FOXP2: variants seen among roughly 807,000 people sequenced by gnomAD.
FOXP2 encodes forkhead box protein P2.
FOXP2 carries 12 observed loss-of-function variants against 115.8 expected under a neutral mutation model. The ratio of observed to expected loss-of-function variants is 0.10; its 90% CI spans 0.07 to 0.17. FOXP2 has a LOEUF of 0.17. FOXP2 is among the 10% of genes least tolerant of loss of function. The pLI, the probability that FOXP2 is intolerant of heterozygous loss-of-function variation, is 1.00. For missense variants in FOXP2, 629 were observed against 843.5 expected, an observed-to-expected ratio of 0.75 and a Z score of 3.15; for synonymous variants, 328 against 297.7, an observed-to-expected ratio of 1.10 and a Z score of -1.05.
intron 3 of FOXP2, among the ~76,000 whole-genome samples, chr7:114,554,156 T>A (rs967482821): frequency 6.6e-6 from 1 of 152,116 alleles, no homozygotes; most frequent in African/African-American, 2.4e-5. Context: ...ATTTTTACCA[T>A]TTTTAGGGTC....
chr7:114,502,441 A>G (rs1055315167), intron 2 of FOXP2, among the ~76,000 whole-genome samples: 1 of 152,234 alleles, frequency 6.6e-6, no homozygotes, highest in South Asian at 2.1e-4. Context: ...CAGCTTCAGT[A>G]TATAACAAAG....
intron 2 of FOXP2, among the ~76,000 whole-genome samples, chr7:114,385,470 T>G (rs1792423120): frequency 6.6e-6 from 1 of 152,182 alleles, no homozygotes; most frequent in Non-Finnish European, 1.5e-5. Context: ...AGCCGGCTAC[T>G]GCCAGGAGTT....
At chr7:114,228,852 AAAACAG>A (rs1459368585) in intron 1 of FOXP2, among the ~76,000 whole-genome samples, 19 of 140,426 alleles carry the variant, frequency 1.4e-4, no homozygotes, top group Non-Finnish European at 2.3e-4. Flanking sequence ...AAAGAGCTAC[AAAACAG>A]AAAGAAACAA....
At chr7:114,495,230 T>C (rs551588514) in intron 2 of FOXP2, among the ~76,000 whole-genome samples, 5 of 152,310 alleles carry the variant, frequency 3.3e-5, no homozygotes, top group African/African-American at 1.2e-4. Flanking sequence ...GAGGCTTGTA[T>C]ATCCCCTGCA....
intron 2 of FOXP2, among the ~76,000 whole-genome samples, chr7:114,407,772 A>G (rs1793069353): frequency 1.3e-5 from 2 of 152,118 alleles, no homozygotes; most frequent in African/African-American, 4.8e-5. Context: ...TTTTGCAAAA[A>G]GTATGGGTGC....
intron 1 of FOXP2, among the ~76,000 whole-genome samples, chr7:114,170,037 G>T (rs1380307733): frequency 1.3e-5 from 2 of 152,174 alleles, no homozygotes; most frequent in Non-Finnish European, 2.9e-5. Context: ...TCTCCAGTAT[G>T]TCTTTATCAG....
intron 3 of FOXP2, among the ~76,000 whole-genome samples, chr7:114,548,893 A>G (rs1018909295): frequency 6.6e-6 from 1 of 152,228 alleles, no homozygotes; most frequent in Non-Finnish European, 1.5e-5. Context: ...AAAAAATCAT[A>G]GAAGATGAAT....
At chr7:114,191,141 C>G (rs1392105893) in intron 1 of FOXP2, among the ~76,000 whole-genome samples, 2 of 152,158 alleles carry the variant, frequency 1.3e-5, no homozygotes, top group African/African-American at 4.8e-5. Context: ...TTGTCTTCCT[C>G]TTGAACTTTC....
chr7:114,586,115 G>A (rs1802117730), intron 3 of FOXP2, among the ~76,000 whole-genome samples: 1 of 152,068 alleles, frequency 6.6e-6, no homozygotes, highest in Admixed American at 6.6e-5. Flanking sequence ...GATTTTTGGA[G>A]TTTTGCCTAC....
intron 2 of FOXP2, chr7:114,498,813 A>G (rs1797438232): frequency 1.4e-6 from 1 of 717,074 alleles, no homozygotes; most frequent in Admixed American, 2.0e-5. Flanking sequence ...ATATGTCAGG[A>G]TGATTTCATG....
intron 3 of FOXP2, among the ~76,000 whole-genome samples, chr7:114,565,417 T>G (rs575299165): frequency 6.6e-6 from 1 of 152,178 alleles, no homozygotes; most frequent in Non-Finnish European, 1.5e-5. Flanking sequence ...GAGGGCAATA[T>G]TTCTCAAAGT....
At chr7:114,099,853 T>C (rs1309588189) in intron 1 of FOXP2, among the ~76,000 whole-genome samples, 3 of 152,140 alleles carry the variant, frequency 2.0e-5, no homozygotes, top group Non-Finnish European at 4.4e-5. Context: ...AGATCTAATA[T>C]ACAACATGAG....
intron 2 of FOXP2, among the ~76,000 whole-genome samples, chr7:114,446,712 C>T (rs988232819): frequency 3.3e-5 from 5 of 151,442 alleles, no homozygotes; most frequent in Non-Finnish European, 5.9e-5. Flanking sequence ...TCATATCCCC[C>T]GCAATGTTTT....
At chr7:114,453,555 G>T (rs1040760602) in intron 2 of FOXP2, among the ~76,000 whole-genome samples, 3 of 152,032 alleles carry the variant, frequency 2.0e-5, no homozygotes, top group African/African-American at 7.2e-5. Context: ...CAAGACATGT[G>T]CCAGGGATTA....
chr7:114,664,598 C>T (rs1585007969), intron 16 of FOXP2, 162 bp downstream of exon 16: 9 of 831,026 alleles, frequency 1.1e-5, no homozygotes, highest in Admixed American at 9.8e-5. Context: ...TTATCAAAAT[C>T]GGTTTTAATA....
intron 1 of FOXP2, among the ~76,000 whole-genome samples, chr7:114,220,399 A>G (rs1794592041): frequency 2.6e-5 from 4 of 152,208 alleles, no homozygotes. Context: ...GACTGGAATC[A>G]TGCAATTACA....
At chr7:114,616,079 C>T (rs1803933807) in intron 3 of FOXP2, among the ~76,000 whole-genome samples, 1 of 152,122 alleles carries the variant, frequency 6.6e-6, no homozygotes, top group African/African-American at 2.4e-5. Flanking sequence ...GGACAGGAAC[C>T]TTTTATGTCT....
At chr7:114,136,187 C>G (rs1792033001) in intron 1 of FOXP2, among the ~76,000 whole-genome samples, 1 of 152,058 alleles carries the variant, frequency 6.6e-6, no homozygotes, top group South Asian at 2.1e-4. Context: ...ACATAGCATT[C>G]TTGATACTTC....
intron 2 of FOXP2, among the ~76,000 whole-genome samples, chr7:114,516,696 G>GT (rs1798361668): frequency 6.7e-6 from 1 of 150,130 alleles, no homozygotes; most frequent in South Asian, 2.1e-4. Context: ...TTTGTTTTTT[G>GT]TTTTTTGTTT....
Sources: gnomAD v4.1 joint callset for allele counts (sites outside exome capture counted in the v4.1 genomes callset) on GRCh38, gnomAD v4.1.1 for gene constraint, MANE v1.5 for transcripts, NCBI Gene and HGNC (gene_info 2026-07-23, HGNC 2026-07-21) for gene names.